TMTC1: variants seen among roughly 807,000 people sequenced by gnomAD.
TMTC1 encodes transmembrane O-mannosyltransferase targeting cadherins 1.
In TMTC1, 73 loss-of-function variants were observed where a neutral mutation model predicts 104.8. The ratio of observed to expected loss-of-function variants is 0.70; its 90% CI spans 0.58 to 0.85. The LOEUF (loss-of-function observed/expected upper bound fraction) is 0.85, where lower values mean the gene tolerates loss of function less well. Among genes scored for constraint, TMTC1 ranks in the 40% least tolerant of loss-of-function variants. The probability of loss-of-function intolerance (pLI) is 0.00; values close to 1 mark genes in which losing one functional copy is unlikely to be tolerated. For missense variants in TMTC1, 1,035 were observed against 1,096.1 expected, an observed-to-expected ratio of 0.94 and a Z score of 0.79; for synonymous variants, 434 against 428.7, an observed-to-expected ratio of 1.01 and a Z score of -0.15.
chr12:29,702,791 G>C (rs1941634638), intron 5 of TMTC1, among the ~76,000 whole-genome samples: 1 of 137,596 alleles, frequency 7.3e-6, no homozygotes, highest in Non-Finnish European at 1.7e-5. Context: ...ATTGACATAA[G>C]AAAAAAATAG....
intron 5 of TMTC1, among the ~76,000 whole-genome samples, chr12:29,726,050 G>A (rs78308506): frequency 0.024 from 3,601 of 152,278 alleles, 62 homozygotes; most frequent in Non-Finnish European, 0.035. Flanking sequence ...GCCTGACTGA[G>A]TTGGTTGCCA....
chr12:29,617,958 A>C (rs1302721000), intron 6 of TMTC1, among the ~76,000 whole-genome samples: 1 of 152,176 alleles, frequency 6.6e-6, no homozygotes, highest in African/African-American at 2.4e-5. Context: ...AATCACCCTG[A>C]CCACTGTGTT....
At chr12:29,611,723 G>C (rs2136429761) in intron 6 of TMTC1, among the ~76,000 whole-genome samples, 1 of 152,298 alleles carries the variant, frequency 6.6e-6, no homozygotes, top group South Asian at 2.1e-4. Flanking sequence ...CTAAAGAGAT[G>C]GGGGAGAGCT....
chr12:29,725,336 C>T (rs1282142630), intron 5 of TMTC1, among the ~76,000 whole-genome samples: 1 of 148,738 alleles, frequency 6.7e-6, no homozygotes, highest in Non-Finnish European at 1.5e-5. Context: ...CTGCCAAGAT[C>T]TTTTTTTTTC....
intron 7 of TMTC1, among the ~76,000 whole-genome samples, chr12:29,597,818 G>A (rs903188444): frequency 5.9e-5 from 9 of 152,146 alleles, no homozygotes; most frequent in Non-Finnish European, 1.5e-5. Flanking sequence ...AAATGGGGGT[G>A]AATGGGGGAG....
chr12:29,584,124 C>A (rs139663981), intron 7 of TMTC1, among the ~76,000 whole-genome samples: 1 of 152,132 alleles, frequency 6.6e-6, no homozygotes, highest in African/African-American at 2.4e-5. Flanking sequence ...ACCCACAGGC[C>A]GACTCCTGAG....
At chr12:29,735,417 G>A (rs772291053) in intron 5 of TMTC1, among the ~76,000 whole-genome samples, 4 of 152,150 alleles carry the variant, frequency 2.6e-5, no homozygotes, top group Admixed American at 6.5e-5. Context: ...ACATAGAGTC[G>A]TTATAAGGAT....
intron 5 of TMTC1, among the ~76,000 whole-genome samples, chr12:29,706,255 G>A (rs921929407): frequency 1.3e-5 from 2 of 152,198 alleles, no homozygotes; most frequent in African/African-American, 4.8e-5. Context: ...ACCCAGCTAT[G>A]CAGGAAGAGG....
At chr12:29,557,513 C>T (rs1258111475) in intron 9 of TMTC1, among the ~76,000 whole-genome samples, 4 of 152,220 alleles carry the variant, frequency 2.6e-5, no homozygotes, top group Non-Finnish European at 4.4e-5. Context: ...TGCAGTGGCA[C>T]GATCTTGGCT....
At chr12:29,529,824 A>T (rs1490179032) in intron 11 of TMTC1, 2 of 152,192 alleles carry the variant, frequency 1.3e-5, no homozygotes, top group East Asian at 3.9e-4. Flanking sequence ...CCACCAAGGA[A>T]ATACAAGGTG....
chr12:29,533,255 C>G (rs117938605), intron 11 of TMTC1: 1 of 152,054 alleles, frequency 6.6e-6, no homozygotes, highest in Admixed American at 6.6e-5. Context: ...CCCTACTTTG[C>G]GCGAACAGAT....
chr12:29,762,556 A>G (rs1339864463), intron 2 of TMTC1, among the ~76,000 whole-genome samples: 1 of 152,256 alleles, frequency 6.6e-6, no homozygotes, highest in Non-Finnish European at 1.5e-5. Context: ...ACATAACTCA[A>G]TTATACACAC....
In TMTC1 at chr12:29,685,762, C is replaced by T. The variant is rs193004632; in HGVS notation, c.939-52426G>A. ...TGCTATTTATTCTGACAAAACTGACCAAGAGCCTCAATACCAAGATTAAAA... is the reference window on the plus strand; with the variant it reads ...TGCTATTTATTCTGACAAAACTGACTAAGAGCCTCAATACCAAGATTAAAA... On this transcript the variant is annotated intron_variant, in intron 5 of 17. Coordinates refer to ENST00000539277, the MANE Select transcript of TMTC1 (RefSeq NM_001193451.2). Among the ~76,000 whole-genome samples the T allele has an allele frequency of 3.5e-3, 532 of 151,958 alleles. 4 individuals carry two copies. The highest frequency in any genetic ancestry group is 0.012 in the African/African-American group (513 of 41,452).
rs111436944 is a variant in TMTC1 at position 29,705,245 on chromosome 12, G to A, written c.938+46421C>T. ...ATCCCGGGTGCACAGGTGGCCCATC[G>A]GTCAAACTTGGGGAACTCTTCTCTA... On this transcript the variant is annotated intron_variant, in intron 5 of 17. Transcript: ENST00000539277. Among the ~76,000 whole-genome samples, 1,328 of 152,272 alleles carry A rather than the reference G, an allele frequency of 8.7e-3. 22 individuals are homozygous for A. Among genetic ancestry groups the A allele is most frequent in the African/African-American group, 0.031 (1,267 of 41,540 alleles).
At chr12:29,778,639 G>C (rs546923220) in intron 1 of TMTC1, among the ~76,000 whole-genome samples, 2 of 152,218 alleles carry the variant, frequency 1.3e-5, no homozygotes, top group Non-Finnish European at 2.9e-5. Context: ...ATGCCCTTGG[G>C]CATGATCTTA....
intron 1 of TMTC1, among the ~76,000 whole-genome samples, chr12:29,781,497 C>T (rs1213651347): frequency 1.3e-5 from 2 of 152,160 alleles, no homozygotes; most frequent in South Asian, 2.1e-4. Context: ...CTCCACCCCT[C>T]CCTTATGTGC....
At position 29,766,851 on chromosome 12, in the gene TMTC1, A is replaced by G. The variant is rs536130039; in HGVS notation, c.480+1047T>C. 5.3e-5 allele frequency among the ~76,000 whole-genome samples: 8 copies of G among 152,224 alleles called. No individual in the cohort carries two copies. The South Asian group carries it at 8.3e-4, about 16-fold the overall frequency. On this transcript the variant is annotated intron_variant, in intron 2 of 17. Transcript: ENST00000539277. ...ACCCCTAGCCATGCACATCAAACAA[A>G]CCAGTTGTATTTACTGAGCTGGGAA...
chr12:29,734,667 G>A (rs962460902), intron 5 of TMTC1, among the ~76,000 whole-genome samples: 2 of 152,068 alleles, frequency 1.3e-5, no homozygotes, highest in Non-Finnish European at 2.9e-5. Flanking sequence ...CTATTGGGCT[G>A]CCACACTAGC....
intron 5 of TMTC1, among the ~76,000 whole-genome samples, chr12:29,695,791 TTTTATATATATATATATATATA>T (rs1308543096): frequency 1.0e-5 from 1 of 95,240 alleles, no homozygotes; most frequent in African/African-American, 3.3e-5. Flanking sequence ...ACTACTTCCT[TTTTATATATATATATATATATA>T]TATATATATA....
Sources: allele counts gnomAD v4.1 joint callset (sites outside exome capture counted in the v4.1 genomes callset), GRCh38; gene constraint gnomAD v4.1.1; transcripts MANE v1.5; gene names NCBI Gene and HGNC (gene_info 2026-07-23, HGNC 2026-07-21).